The following CAPZB variants were observed in gnomAD, a reference collection of about 807,000 sequenced individuals.
CAPZB encodes the protein capping actin protein of muscle Z-line subunit beta, also known as F-actin-capping protein subunit beta.
CAPZB carries 2 observed loss-of-function variants against 38.1 expected under a neutral mutation model. That is an observed-to-expected ratio of 0.05 (90% confidence interval 0.02 to 0.17). CAPZB has a LOEUF of 0.17. CAPZB is among the 10% of genes least tolerant of loss of function. The pLI is 1.00. For synonymous variants in CAPZB, 107 were observed against 127.4 expected (o/e 0.84, Z 1.08); for missense variants, 161 against 334.2 (o/e 0.48, Z 4.04).
intron 2 of CAPZB, among the ~76,000 whole-genome samples, chr1:19,388,082 G>A (rs768648391): frequency 2.0e-5 from 3 of 152,144 alleles, no homozygotes; most frequent in Non-Finnish European, 4.4e-5. Context: ...TCTCCTGCCA[G>A]GCACACTGCT....
intron 3 of CAPZB, 110 bp downstream of exon 3, chr1:19,385,395 G>A: frequency 8.0e-7 from 1 of 1,256,318 alleles, no homozygotes; most frequent in Non-Finnish European, 1.1e-6. Flanking sequence ...AAGGAAAGCT[G>A]AATGGGCTGC....
At chr1:19,382,655 T>A (rs958290818) in intron 3 of CAPZB, among the ~76,000 whole-genome samples, 1 of 152,026 alleles carries the variant, frequency 6.6e-6, no homozygotes, top group African/African-American at 2.4e-5. Flanking sequence ...GGAATGCAGG[T>A]GGGGGACAAA....
intron 4 of CAPZB, among the ~76,000 whole-genome samples, chr1:19,369,326 C>T (rs991887929): frequency 6.6e-6 from 1 of 152,240 alleles, no homozygotes; most frequent in African/African-American, 2.4e-5. Context: ...AGAGCTGAAA[C>T]GCACTGCGAG....
At chr1:19,402,191 C>T (rs995928198) in intron 2 of CAPZB, among the ~76,000 whole-genome samples, 1 of 152,116 alleles carries the variant, frequency 6.6e-6, no homozygotes, top group African/African-American at 2.4e-5. Context: ...ACCAGGGCTG[C>T]GAAGGAATCA....
At chr1:19,362,499 C>T (rs939819362) in intron 4 of CAPZB, among the ~76,000 whole-genome samples, 3 of 152,132 alleles carry the variant, frequency 2.0e-5, no homozygotes, top group Non-Finnish European at 2.9e-5. Context: ...GGATTACAGG[C>T]GTGAGCCACC....
At chr1:19,418,699 G>A (rs773627366) in intron 2 of CAPZB, among the ~76,000 whole-genome samples, 2 of 152,136 alleles carry the variant, frequency 1.3e-5, no homozygotes, top group Non-Finnish European at 2.9e-5. Context: ...GACCTTTCGG[G>A]CTGCTGTATA....
chr1:19,394,720 TACAAA>T (rs531289388), intron 2 of CAPZB, among the ~76,000 whole-genome samples: 15 of 151,984 alleles, frequency 9.9e-5, no homozygotes, highest in Middle Eastern at 3.4e-3. Flanking sequence ...TGTCTCAAAA[TACAAA>T]ACAAAACAAA....
Position 19,449,045 on chromosome 1 carries a change from T to C in CAPZB, c.4-29295A>G. The C allele has an allele frequency of 8.0e-6, 12 of 1,495,414 alleles. No homozygotes were observed. In the South Asian group the frequency reaches 1.6e-4, roughly 20 times the overall value. 92.6% of individuals were successfully genotyped at this position (1,495,414 alleles called of 1,614,324 possible). A position where few individuals can be genotyped will look rare whatever the true frequency, so the allele number is the denominator to read the frequency against. ...CGCTGCCCGCTCCTGACTTCTCCCA[T>C]CTGGTTTCCATCTGACCCAAGCAGC... is the stretch of plus-strand genomic sequence containing the variant. On this transcript the variant is annotated intron_variant, in intron 1 of 8. Transcript: ENST00000264202.
chr1:19,352,764 G>A (rs190418766), intron 6 of CAPZB, among the ~76,000 whole-genome samples: 79 of 152,364 alleles, frequency 5.2e-4, no homozygotes, highest in African/African-American at 1.9e-3. Flanking sequence ...TCCAGTTGAC[G>A]TCCCTGAGAA....
intron 7 of CAPZB, 80 bp from the exon 8 acceptor site, chr1:19,344,514 G>T: frequency 9.1e-7 from 1 of 1,098,854 alleles, no homozygotes; most frequent in Non-Finnish European, 1.4e-6. Flanking sequence ...TGCCAGCCCT[G>T]CAGTCCCCAG....
intron 2 of CAPZB, among the ~76,000 whole-genome samples, chr1:19,406,792 G>A (rs573834579): frequency 1.7e-4 from 26 of 152,266 alleles, no homozygotes; most frequent in Admixed American, 3.9e-4. Flanking sequence ...CTTAAAACCC[G>A]GGAGAACAGC....
At chr1:19,347,529 G>A (rs1340540440) in intron 6 of CAPZB, among the ~76,000 whole-genome samples, 2 of 152,144 alleles carry the variant, frequency 1.3e-5, no homozygotes, top group South Asian at 2.1e-4. Flanking sequence ...TCAGCTCGCT[G>A]GCAACACCGA....
intron 2 of CAPZB, among the ~76,000 whole-genome samples, chr1:19,403,994 GGCC>G (rs1332388844): frequency 6.6e-6 from 1 of 152,160 alleles, no homozygotes; most frequent in Non-Finnish European, 1.5e-5. Context: ...AACAGTAGTA[GGCC>G]GGGCACGGTG....
intron 1 of CAPZB, among the ~76,000 whole-genome samples, chr1:19,428,320 T>C (rs2094430645): frequency 6.6e-6 from 1 of 152,036 alleles, no homozygotes; most frequent in Non-Finnish European, 1.5e-5. Context: ...GGAGAATCAC[T>C]TGAAACTGGA....
chr1:19,372,787 G>A (rs543223673), intron 4 of CAPZB, among the ~76,000 whole-genome samples: 65 of 152,278 alleles, frequency 4.3e-4, no homozygotes, highest in African/African-American at 1.2e-3. Flanking sequence ...CTCTGCCTCA[G>A]TGCTCAGTTC....
At chr1:19,361,282 G>A (rs537328143) in intron 4 of CAPZB, among the ~76,000 whole-genome samples, 79 of 152,330 alleles carry the variant, frequency 5.2e-4, no homozygotes, top group African/African-American at 1.9e-3. Context: ...TCCAACTGAG[G>A]TGAGTCAGAC....
At chr1:19,425,329 A>C (rs2094418416) in intron 1 of CAPZB, among the ~76,000 whole-genome samples, 1 of 152,218 alleles carries the variant, frequency 6.6e-6, no homozygotes, top group Non-Finnish European at 1.5e-5. Context: ...CATTCAATTA[A>C]TCATCTGATC....
chr1:19,466,305 T>A (rs1300491325), intron 1 of CAPZB, among the ~76,000 whole-genome samples: 1 of 152,228 alleles, frequency 6.6e-6, no homozygotes, highest in Non-Finnish European at 1.5e-5. Context: ...AAGCCCTTAC[T>A]CTTTGCACTA....
intron 1 of CAPZB, among the ~76,000 whole-genome samples, chr1:19,465,377 G>C (rs527306996): frequency 1.2e-4 from 19 of 152,194 alleles, no homozygotes; most frequent in Non-Finnish European, 2.5e-4. Flanking sequence ...CAAACACTGA[G>C]TCTGCCAAGA....
Sources: allele counts gnomAD v4.1 joint callset (sites outside exome capture counted in the v4.1 genomes callset), GRCh38; gene constraint gnomAD v4.1.1; transcripts MANE v1.5; gene names NCBI Gene and HGNC (gene_info 2026-07-23, HGNC 2026-07-21).